The following KSR2 variants were observed in gnomAD, a reference collection of about 807,000 sequenced individuals.
The protein encoded by KSR2 is kinase suppressor of ras 2.
Under a neutral mutation model 107.8 loss-of-function variants are expected in KSR2, and 25 were observed. The ratio of observed to expected loss-of-function variants is 0.23; its 90% CI spans 0.17 to 0.32. KSR2 has a LOEUF of 0.32. Among genes scored for constraint, KSR2 ranks in the 10% least tolerant of loss-of-function variants. The pLI, the probability that KSR2 is intolerant of heterozygous loss-of-function variation, is 1.00. For missense variants in KSR2, 887 were observed against 1,268.9 expected, an observed-to-expected ratio of 0.70 and a Z score of 4.57; for synonymous variants, 480 against 507.0, an observed-to-expected ratio of 0.95 and a Z score of 0.71.
intron 1 of KSR2, among the ~76,000 whole-genome samples, chr12:117,896,527 T>A (rs1894517513): frequency 6.6e-6 from 1 of 151,786 alleles, no homozygotes; most frequent in South Asian, 2.1e-4. Flanking sequence ...TGTCGCCATC[T>A]TGGCTCACTG....
At chr12:117,566,881 C>T (rs192232089) in intron 7 of KSR2, among the ~76,000 whole-genome samples, 38 of 152,342 alleles carry the variant, frequency 2.5e-4, no homozygotes, top group African/African-American at 5.3e-4. Context: ...CATCCTACTG[C>T]GCCCAAATTG....
At chr12:117,895,718 C>T (rs1304853515) in intron 1 of KSR2, among the ~76,000 whole-genome samples, 1 of 152,108 alleles carries the variant, frequency 6.6e-6, no homozygotes, top group Non-Finnish European at 1.5e-5. Context: ...ACCTAGAAAT[C>T]CCGCTCATAG....
chr12:117,479,334 G>T (rs1264700759), intron 16 of KSR2, among the ~76,000 whole-genome samples: 1 of 152,206 alleles, frequency 6.6e-6, no homozygotes, highest in Non-Finnish European at 1.5e-5. Context: ...GCACTCCCAG[G>T]CTAGGAGCAG....
intron 14 of KSR2, among the ~76,000 whole-genome samples, chr12:117,497,270 G>A (rs1873086060): frequency 6.6e-6 from 1 of 152,174 alleles, no homozygotes; most frequent in Admixed American, 6.5e-5. Context: ...CTCATGAGGA[G>A]ACAATATGCA....
Position 117,524,989 on chromosome 12 carries a change from A to C in KSR2, c.2082T>G (p.Ile694Met). 6.2e-7 allele frequency: 1 copy of C among 1,613,830 alleles called. No homozygotes were observed. Among genetic ancestry groups the C allele is most frequent in the Non-Finnish European group, 8.5e-7 (1 of 1,179,848 alleles). ...RWHGEVAIRL[I>M]DIERDNEDQL... ...GGTCCTCGTTGTCCCTCTCAATGTC[A>C]ATCAGCCGGATGGCCACCTCGCCAT... The change falls in exon 14 of 20, where the codon ATT (isoleucine) becomes ATG (methionine). Residue 694 changes from isoleucine to methionine, a missense_variant. Ile to Met is a conservative substitution (Grantham distance 10). This residue lies in a region of KSR2 where 308 missense variants were observed against 506.2 expected (regional missense o/e 0.61). Transcript: ENST00000339824.
At chr12:117,823,130 A>AAG (rs35002501) in intron 3 of KSR2, among the ~76,000 whole-genome samples, 1 of 150,218 alleles carries the variant, frequency 6.7e-6, no homozygotes. Context: ...AAAAAAAAAA[A>AAG]GTGTGGCTGG....
intron 5 of KSR2, among the ~76,000 whole-genome samples, chr12:117,637,724 C>T (rs1336293414): frequency 8.6e-6 from 1 of 116,500 alleles, no homozygotes; most frequent in Non-Finnish European, 1.6e-5. Context: ...CTCTGTTGCC[C>T]AGGCTGGAGT....
intron 16 of KSR2, among the ~76,000 whole-genome samples, chr12:117,480,100 C>T (rs1872073439): frequency 6.7e-6 from 1 of 148,488 alleles, no homozygotes. Context: ...AGACTAGAGC[C>T]CACAGTAGGA....
At chr12:117,572,856 G>A (rs908493336) in intron 7 of KSR2, among the ~76,000 whole-genome samples, 1 of 152,174 alleles carries the variant, frequency 6.6e-6, no homozygotes, top group Non-Finnish European at 1.5e-5. Context: ...TCTTAGCTCT[G>A]CAGAAATTTG....
chr12:117,837,102 C>G (rs1892248419), intron 3 of KSR2, among the ~76,000 whole-genome samples: 1 of 152,140 alleles, frequency 6.6e-6, no homozygotes, highest in African/African-American at 2.4e-5. Flanking sequence ...GCAGCAAGGC[C>G]CCGTCGGAGT....
chr12:117,618,323 C>T (rs574562575), intron 5 of KSR2, among the ~76,000 whole-genome samples: 1 of 152,062 alleles, frequency 6.6e-6, no homozygotes, highest in East Asian at 1.9e-4. Context: ...TACCAAGGTC[C>T]CCTTCTGCTT....
At chr12:117,641,247 C>T (rs1386422142) in intron 5 of KSR2, among the ~76,000 whole-genome samples, 2 of 152,202 alleles carry the variant, frequency 1.3e-5, no homozygotes, top group Non-Finnish European at 2.9e-5. Flanking sequence ...CAGGCGTGTG[C>T]CACCACGCCC....
chr12:117,542,120 C>T (rs149358615), intron 9 of KSR2, among the ~76,000 whole-genome samples: 143 of 152,138 alleles, frequency 9.4e-4, no homozygotes, highest in African/African-American at 3.3e-3. Flanking sequence ...CTCTTGGGCT[C>T]ATGCGATCTG....
intron 7 of KSR2, among the ~76,000 whole-genome samples, chr12:117,574,303 AC>A (rs1879115987): frequency 6.6e-6 from 1 of 152,126 alleles, no homozygotes; most frequent in South Asian, 2.1e-4. Flanking sequence ...TTTGGAGATC[AC>A]CTAGAGAAGT....
chr12:117,627,146 CTT>C (rs1428456843), intron 5 of KSR2, among the ~76,000 whole-genome samples: 1 of 152,016 alleles, frequency 6.6e-6, no homozygotes, highest in African/African-American at 2.4e-5. Context: ...GGTCTTGACT[CTT>C]TATCCAATTT....
At chr12:117,751,270 A>G (rs1439838850) in intron 4 of KSR2, among the ~76,000 whole-genome samples, 1 of 152,186 alleles carries the variant, frequency 6.6e-6, no homozygotes, top group Non-Finnish European at 1.5e-5. Context: ...TTCCCCAGCC[A>G]TGCTAAACTG....
intron 4 of KSR2, among the ~76,000 whole-genome samples, chr12:117,726,705 T>C (rs1004782818): frequency 1.2e-4 from 18 of 152,208 alleles, no homozygotes; most frequent in Non-Finnish European, 1.9e-4. Context: ...GCTGGTGGGA[T>C]TGTAAAATAT....
rs148311682 is a variant in KSR2, at chr12:117,937,805, CA to C, written c.180+30270del. On this transcript the variant is annotated intron_variant, in intron 1 of 19. Coordinates refer to ENST00000339824, the MANE Select transcript of KSR2 (RefSeq NM_173598.6). ...GAAACCCCCATCTCTACTAAAAATA[CA>C]AAAAAAAAAAAAAATTAGCCAGGCG... Among the ~76,000 whole-genome samples, 889 of 121,150 alleles carry C rather than the reference CA, an allele frequency of 7.3e-3. 5 individuals carry two copies. The highest frequency in any genetic ancestry group is 0.016 in the African/African-American group (506 of 32,220). 79.5% of individuals were successfully genotyped at this position (121,150 alleles called of 152,430 possible).
chr12:117,819,730 C>T (rs1398539794), intron 3 of KSR2, among the ~76,000 whole-genome samples: 1 of 151,878 alleles, frequency 6.6e-6, no homozygotes, highest in Non-Finnish European at 1.5e-5. Flanking sequence ...AAAAGAAAAA[C>T]CAAAAAGCAT....
Sources: allele counts gnomAD v4.1 joint callset (sites outside exome capture counted in the v4.1 genomes callset), GRCh38; gene constraint gnomAD v4.1.1; regional missense constraint gnomAD v4.1.1; transcripts MANE v1.5; gene names NCBI Gene and HGNC (gene_info 2026-07-23, HGNC 2026-07-21).